Variants in TENM4 observed in about 807,000 individuals in gnomAD.
The protein encoded by TENM4 is teneurin-4.
Under a neutral mutation model 243.3 loss-of-function variants are expected in TENM4, and 82 were observed. The ratio of observed to expected loss-of-function variants is 0.34; its 90% CI spans 0.28 to 0.40. TENM4 has a LOEUF of 0.40. Ranked by LOEUF, TENM4 falls within the 10% of genes least tolerant of loss-of-function variation. The pLI, the probability that TENM4 is intolerant of heterozygous loss-of-function variation, is 1.00. For missense variants in TENM4, 3,138 were observed against 3,673.3 expected (o/e 0.85, Z 3.77); for synonymous variants, 1,412 against 1,456.3 (o/e 0.97, Z 0.69).
At chr11:79,084,872 A>G (rs1860767839) in intron 4 of TENM4, among the ~76,000 whole-genome samples, 1 of 152,192 alleles carries the variant, frequency 6.6e-6, no homozygotes, top group African/African-American at 2.4e-5. Flanking sequence ...ACTCATTCAG[A>G]TAAATGCAAG....
chr11:79,033,371 T>TGTTTTCC (rs1290911485), intron 6 of TENM4, among the ~76,000 whole-genome samples: 53 of 152,242 alleles, frequency 3.5e-4, no homozygotes, highest in Non-Finnish European at 5.9e-4. Flanking sequence ...AATTAAGTTC[T>TGTTTTCC]GTTTTCCTGT....
intron 1 of TENM4, among the ~76,000 whole-genome samples, chr11:79,300,879 C>T (rs1187241066): frequency 6.6e-6 from 1 of 152,186 alleles, no homozygotes; most frequent in African/African-American, 2.4e-5. Context: ...AAGGGCACCA[C>T]CAGAAATCTG....
chr11:78,984,717 A>AATATGGC (rs1412670836), intron 6 of TENM4, among the ~76,000 whole-genome samples: 1 of 152,244 alleles, frequency 6.6e-6, no homozygotes, highest in African/African-American at 2.4e-5. Flanking sequence ...AACCACAGCC[A>AATATGGC]ATATGGCATA....
At chr11:78,960,621 G>A (rs1344562747) in intron 6 of TENM4, among the ~76,000 whole-genome samples, 1 of 152,176 alleles carries the variant, frequency 6.6e-6, no homozygotes. Context: ...AACACCCTTG[G>A]TAATCTCTGT....
intron 1 of TENM4, among the ~76,000 whole-genome samples, chr11:79,385,911 T>TA (rs1217083119): frequency 6.6e-6 from 1 of 152,184 alleles, no homozygotes; most frequent in African/African-American, 2.4e-5. Context: ...TTTGAGACTT[T>TA]GAGTACCTGT....
intron 3 of TENM4, among the ~76,000 whole-genome samples, chr11:79,203,947 C>T (rs580310): frequency 0.51 from 77,184 of 152,032 alleles, 19,761 homozygotes; most frequent in Middle Eastern, 0.57. Flanking sequence ...CTTGAAAACA[C>T]GCTAAGTGAA....
At chr11:79,437,372 C>A (rs923645299) in intron 1 of TENM4, among the ~76,000 whole-genome samples, 4 of 152,226 alleles carry the variant, frequency 2.6e-5, no homozygotes, top group Non-Finnish European at 5.9e-5. Context: ...GCGCCCGGAG[C>A]GCGCTGTGAG....
chr11:78,956,636 G>A (rs35256003), intron 6 of TENM4, among the ~76,000 whole-genome samples: 13,601 of 152,208 alleles, frequency 0.089, 1,105 homozygotes, highest in East Asian at 0.25. Context: ...AAGTTGCTAA[G>A]TCTTTCTGAG....
chr11:79,202,153 A>T (rs770207929), intron 3 of TENM4, among the ~76,000 whole-genome samples: 16 of 152,164 alleles, frequency 1.1e-4, no homozygotes, highest in Non-Finnish European at 1.8e-4. Flanking sequence ...TGCCTCCTGT[A>T]GACACTGGTC....
intron 1 of TENM4, among the ~76,000 whole-genome samples, chr11:79,298,526 A>G (rs1856496195): frequency 6.8e-6 from 1 of 147,382 alleles, no homozygotes; most frequent in Admixed American, 6.7e-5. Flanking sequence ...CGTCTCAAAA[A>G]AAAAAAAAAA....
intron 4 of TENM4, among the ~76,000 whole-genome samples, chr11:79,128,014 A>G (rs950056303): frequency 6.6e-6 from 1 of 152,146 alleles, no homozygotes; most frequent in African/African-American, 2.4e-5. Flanking sequence ...GAGTGACCCA[A>G]AAGGCTGCCA....
intron 1 of TENM4, among the ~76,000 whole-genome samples, chr11:79,395,398 C>T (rs950261363): frequency 1.2e-4 from 18 of 152,350 alleles, no homozygotes; most frequent in African/African-American, 4.3e-4. Context: ...CCATTCCTAA[C>T]TGCACAGAGT....
At chr11:79,211,336 A>G (rs1207910946) in intron 3 of TENM4, among the ~76,000 whole-genome samples, 1 of 152,120 alleles carries the variant, frequency 6.6e-6, no homozygotes, top group Non-Finnish European at 1.5e-5. Flanking sequence ...TCTCTTTACT[A>G]GATTCACGGT....
At chr11:79,427,959 G>T (rs1337622404) in intron 1 of TENM4, among the ~76,000 whole-genome samples, 1 of 152,148 alleles carries the variant, frequency 6.6e-6, no homozygotes, top group African/African-American at 2.4e-5. Flanking sequence ...CTGACAAACG[G>T]TTGCACAAAA....
chr11:78,853,814 G>C (rs1199042578), intron 12 of TENM4, among the ~76,000 whole-genome samples: 1 of 152,192 alleles, frequency 6.6e-6, no homozygotes, highest in Non-Finnish European at 1.5e-5. Flanking sequence ...CCTCTGTGTG[G>C]CTTGTCCAGG....
intron 12 of TENM4, among the ~76,000 whole-genome samples, chr11:78,850,061 CTGTGTGTGTGTGTG>C (rs142162971): frequency 1.3e-5 from 2 of 149,788 alleles, no homozygotes; most frequent in African/African-American, 4.9e-5. Context: ...TTTCAGTGCT[CTGTGTGTGTGTGTG>C]TGTGTGTGTG....
intron 1 of TENM4, among the ~76,000 whole-genome samples, chr11:79,310,513 G>T (rs182967393): frequency 6.6e-6 from 1 of 152,176 alleles, no homozygotes; most frequent in African/African-American, 2.4e-5. Flanking sequence ...AAGAAGATAC[G>T]ATACACCTAT....
chr11:79,308,094 G>A (rs1012630180), intron 1 of TENM4, among the ~76,000 whole-genome samples: 3 of 152,218 alleles, frequency 2.0e-5, no homozygotes, highest in African/African-American at 4.8e-5. Flanking sequence ...GCTGGGTGGA[G>A]AGGCCGGAGG....
intron 17 of TENM4, among the ~76,000 whole-genome samples, chr11:78,776,747 G>T (rs1856748026): frequency 6.6e-6 from 1 of 152,122 alleles, no homozygotes; most frequent in African/African-American, 2.4e-5. Context: ...TCCAACTAAA[G>T]TTCTGGTGAT....
Sources: allele counts gnomAD v4.1 joint callset (sites outside exome capture counted in the v4.1 genomes callset), GRCh38; gene constraint gnomAD v4.1.1; transcripts MANE v1.5; gene names NCBI Gene and HGNC (gene_info 2026-07-23, HGNC 2026-07-21).